The following ELOVL6 variants were observed in gnomAD, a reference collection of about 807,000 sequenced individuals.
The protein encoded by ELOVL6 is very long chain fatty acid elongase 6.
Under a neutral mutation model 31.7 loss-of-function variants are expected in ELOVL6, and 8 were observed. That is an observed-to-expected ratio of 0.25 (90% confidence interval 0.15 to 0.45). ELOVL6 has a LOEUF of 0.45. ELOVL6 is among the 20% of genes least tolerant of loss of function. ELOVL6 has a pLI of 1.00. For missense variants in ELOVL6, 126 were observed against 326.4 expected (o/e 0.39, Z 4.73); for synonymous variants, 101 against 117.7 (o/e 0.86, Z 0.92).
At chr4:110,066,711 C>T (rs940154766) in intron 2 of ELOVL6, among the ~76,000 whole-genome samples, 2 of 150,686 alleles carry the variant, frequency 1.3e-5, no homozygotes, top group Admixed American at 6.6e-5. Flanking sequence ...AAACAACATG[C>T]ACCTCAAACT....
At chr4:110,084,075 G>GATATATATTATATATATAA (rs1243873061) in intron 2 of ELOVL6, among the ~76,000 whole-genome samples, 2 of 54,856 alleles carry the variant, frequency 3.6e-5, no homozygotes, top group African/African-American at 1.8e-4. Context: ...ACATATATAT[G>GATATATATTATATATATAA]CTATATATGA....
At chr4:110,077,215 C>T (rs543431704) in intron 2 of ELOVL6, among the ~76,000 whole-genome samples, 177 of 152,286 alleles carry the variant, frequency 1.2e-3, no homozygotes, top group Middle Eastern at 3.4e-3. Context: ...CTTAAATGTC[C>T]CTGTCTGACA....
At chr4:110,146,576 G>A (rs978098366) in intron 1 of ELOVL6, 1 of 152,324 alleles carries the variant, frequency 6.6e-6, no homozygotes, top group Non-Finnish European at 1.5e-5. Flanking sequence ...TACAAAAACA[G>A]TATGTACAAT....
chr4:110,104,175 A>G (rs1475344275), intron 2 of ELOVL6, among the ~76,000 whole-genome samples: 1 of 152,222 alleles, frequency 6.6e-6, no homozygotes, highest in Non-Finnish European at 1.5e-5. Context: ...AAAATCAGTA[A>G]AATGGTGAAA....
intron 2 of ELOVL6, among the ~76,000 whole-genome samples, chr4:110,077,815 C>A (rs1755692843): frequency 2.0e-5 from 3 of 152,066 alleles, no homozygotes; most frequent in Non-Finnish European, 2.9e-5. Flanking sequence ...AGTTCGAACC[C>A]ATGGCAAAGA....
intron 2 of ELOVL6, among the ~76,000 whole-genome samples, chr4:110,084,010 T>C (rs370766682): frequency 0.011 from 721 of 66,950 alleles, 32 homozygotes; most frequent in Non-Finnish European, 0.016. Flanking sequence ...ATGCCATATA[T>C]GGTATATAAC....
At chr4:110,094,124 CT>C (rs1409886019) in intron 2 of ELOVL6, among the ~76,000 whole-genome samples, 1 of 151,578 alleles carries the variant, frequency 6.6e-6, no homozygotes, top group Non-Finnish European at 1.5e-5. Flanking sequence ...TGGCATGCGT[CT>C]GTAGTTCCAG....
intron 2 of ELOVL6, among the ~76,000 whole-genome samples, chr4:110,075,304 T>C (rs1201355130): frequency 6.6e-6 from 1 of 151,996 alleles, no homozygotes; most frequent in East Asian, 1.9e-4. Context: ...TTTAGAGGAG[T>C]TCCTTGTACA....
At chr4:110,127,088 A>G (rs137949665) in intron 1 of ELOVL6, among the ~76,000 whole-genome samples, 2 of 152,254 alleles carry the variant, frequency 1.3e-5, no homozygotes, top group African/African-American at 4.8e-5. Context: ...GGATATATGT[A>G]CCGTTGTTGC....
At chr4:110,084,586 ATATT>A (rs1225445760) in intron 2 of ELOVL6, among the ~76,000 whole-genome samples, 6 of 39,608 alleles carry the variant, frequency 1.5e-4, no homozygotes, top group African/African-American at 5.2e-4. Flanking sequence ...ATATATATAT[ATATT>A]TTTTTTTTTT....
At chr4:110,114,594 GCCACTCATCCTTC>G (rs1391079883) in intron 1 of ELOVL6, among the ~76,000 whole-genome samples, 1 of 152,112 alleles carries the variant, frequency 6.6e-6, no homozygotes, top group Non-Finnish European at 1.5e-5. Context: ...AAATGCTGAA[GCCACTCATCCTTC>G]CCCTATGGAT....
chr4:110,195,744 G>A (rs1383068600), intron 1 of ELOVL6, among the ~76,000 whole-genome samples: 3 of 152,162 alleles, frequency 2.0e-5, no homozygotes, highest in African/African-American at 7.2e-5. Context: ...TTAACGAGTA[G>A]TGCTGGCAAT....
At chr4:110,092,410 A>T (rs540408314) in intron 2 of ELOVL6, among the ~76,000 whole-genome samples, 2 of 152,318 alleles carry the variant, frequency 1.3e-5, no homozygotes, top group East Asian at 3.9e-4. Context: ...AATGATTTTC[A>T]TTGCTCTAAC....
intron 1 of ELOVL6, among the ~76,000 whole-genome samples, chr4:110,147,932 T>C (rs1010954783): frequency 2.0e-5 from 3 of 152,040 alleles, no homozygotes; most frequent in Admixed American, 2.0e-4. Flanking sequence ...CTGGCCAACA[T>C]GGTGAAACCC....
chr4:110,065,552 A>C (rs1755276324), intron 2 of ELOVL6, among the ~76,000 whole-genome samples: 1 of 152,174 alleles, frequency 6.6e-6, no homozygotes, highest in Non-Finnish European at 1.5e-5. Flanking sequence ...TGAGTGCAGG[A>C]TGTCGAGCCT....
rs774265198 is a variant in ELOVL6, at chr4:110,051,464, C to T, written c.672G>A (p.Gln224=). 2 of 1,614,210 alleles carry T rather than the reference C, an allele frequency of 1.2e-6. No individual in the cohort carries two copies. Among genetic ancestry groups the T allele is most frequent in the South Asian group, 1.1e-5 (1 of 91,090 alleles). Residue 224 remains glutamine (Q), a synonymous_variant, in exon 4 of 4, where the codon CAG becomes CAA. Transcript: ENST00000302274. The surrounding 1 kb of genome is among the most constrained non-coding windows in gnomAD (Gnocchi z 4.8). The part of the protein sequence containing the change: ...YLVFCWMQHD[Q]CHSHFQNIFW... The stretch of plus-strand genomic sequence containing the variant: ...AGATGTTCTGAAAGTGAGAGTGACA[C>T]TGGTCATGCTGCATCCAGCAGAAGA...
chr4:110,121,616 G>A (rs756660936), intron 1 of ELOVL6, among the ~76,000 whole-genome samples: 3 of 152,002 alleles, frequency 2.0e-5, no homozygotes, highest in East Asian at 3.9e-4. Flanking sequence ...GGAGAATGGC[G>A]TGAACCCAGG....
chr4:110,054,641 T>C (rs1242516354), intron 3 of ELOVL6, among the ~76,000 whole-genome samples: 2 of 152,186 alleles, frequency 1.3e-5, no homozygotes, highest in East Asian at 3.8e-4. Flanking sequence ...TTTAACCCTA[T>C]CATCACTTTT....
chr4:110,073,722 C>T (rs2040709), intron 2 of ELOVL6, among the ~76,000 whole-genome samples: 15,309 of 152,186 alleles, frequency 0.1, 890 homozygotes, highest in East Asian at 0.18. Flanking sequence ...CACAGCCAGT[C>T]CAGCAGAGAG....
Sources: allele counts gnomAD v4.1 joint callset (sites outside exome capture counted in the v4.1 genomes callset), GRCh38; gene constraint gnomAD v4.1.1; non-coding constraint Gnocchi (gnomAD v3.1); transcripts MANE v1.5; gene names NCBI Gene and HGNC (gene_info 2026-07-23, HGNC 2026-07-21).